The following NUP58 variants were observed in gnomAD, a reference collection of about 807,000 sequenced individuals.
NUP58 encodes nucleoporin p58/p45.
In NUP58, 17 loss-of-function variants were observed where a neutral mutation model predicts 70.1. That is an observed-to-expected ratio of 0.24 (90% CI 0.17 to 0.36). NUP58 has a LOEUF of 0.36. Ranked by LOEUF, NUP58 falls within the 10% of genes least tolerant of loss-of-function variation. NUP58 has a pLI of 1.00. For missense variants in NUP58, 644 were observed against 701.5 expected, an observed-to-expected ratio of 0.92 and a Z score of 0.93; for synonymous variants, 275 against 257.6, an observed-to-expected ratio of 1.07 and a Z score of -0.65.
chr13:25,306,685 TCTC>T (rs573587365), intron 1 of NUP58, among the ~76,000 whole-genome samples: 21 of 152,298 alleles, frequency 1.4e-4, no homozygotes, highest in Middle Eastern at 3.4e-3. Flanking sequence ...CTCCCTTAAA[TCTC>T]CTACATAATT....
intron 1 of NUP58, 62 bp downstream of exon 1, chr13:25,301,942 C>G: frequency 9.7e-7 from 1 of 1,034,932 alleles, no homozygotes; most frequent in South Asian, 1.4e-5. Flanking sequence ...CCGCAAAGCT[C>G]CCTTGGTGTC....
chr13:25,315,643 ATTG>A (rs2030893382), intron 6 of NUP58, among the ~76,000 whole-genome samples, 176 bp downstream of exon 6: 1 of 151,140 alleles, frequency 6.6e-6, no homozygotes, highest in African/African-American at 2.4e-5. Context: ...CATATGCAGT[ATTG>A]TTTTGTAGTC....
intron 12 of NUP58, among the ~76,000 whole-genome samples, chr13:25,328,687 T>C (rs1159016795): frequency 3.3e-5 from 5 of 152,174 alleles, no homozygotes; most frequent in Admixed American, 6.6e-5. Context: ...CATGAGCCAC[T>C]GCACCCAGCC....
At chr13:25,318,817 TTG>T (rs1170918926) in intron 6 of NUP58, among the ~76,000 whole-genome samples, 1 of 152,196 alleles carries the variant, frequency 6.6e-6, no homozygotes, top group Non-Finnish European at 1.5e-5. Context: ...TTTTAAGGGA[TTG>T]TCAGATTGGA....
At position 25,309,307 on chromosome 13, in the gene NUP58, C is replaced by T. The variant is rs1042401976; in HGVS notation, c.286+25C>T. 3 of 1,567,184 alleles carry T rather than the reference C, an allele frequency of 1.9e-6. No homozygotes were observed. The African/African-American group carries it at 4.1e-5, about 21-fold the overall frequency. Reference sequence around the variant, plus strand: ...GGTAAGAATTTTTGAGGAAAGATCCCAGCTCTGTGGTCTTCTAATAATTTT... The same window carrying T: ...GGTAAGAATTTTTGAGGAAAGATCCTAGCTCTGTGGTCTTCTAATAATTTT... On this transcript the variant is annotated intron_variant, in intron 3 of 15. Coordinates refer to ENST00000381736, the MANE Select transcript of NUP58 (RefSeq NM_014089.4).
intron 1 of NUP58, among the ~76,000 whole-genome samples, chr13:25,302,313 A>G (rs1305950198): frequency 2.0e-5 from 3 of 152,242 alleles, no homozygotes; most frequent in East Asian, 1.9e-4. Flanking sequence ...GGTTTTGGAT[A>G]TGACGGTGTT....
At chr13:25,308,106 G>T in intron 2 of NUP58, 158 bp downstream of exon 2, 1 of 682,028 alleles carries the variant, frequency 1.5e-6, no homozygotes. Context: ...GGAATTAAGG[G>T]CTAGTGATAG....
At chr13:25,303,657 C>G (rs1338772387) in intron 1 of NUP58, among the ~76,000 whole-genome samples, 1 of 152,090 alleles carries the variant, frequency 6.6e-6, no homozygotes, top group Non-Finnish European at 1.5e-5. Flanking sequence ...TCCTAGTACT[C>G]TTAGAGTGCT....
intron 9 of NUP58, among the ~76,000 whole-genome samples, 163 bp downstream of exon 9, chr13:25,321,256 A>G (rs1474833867): frequency 6.6e-6 from 1 of 152,222 alleles, no homozygotes; most frequent in Non-Finnish European, 1.5e-5. Flanking sequence ...AGTTTTTATT[A>G]AGCGTTTTCT....
intron 10 of NUP58, 40 bp from the exon 11 acceptor site, chr13:25,326,876 A>T (rs750346779): frequency 8.5e-7 from 1 of 1,178,468 alleles, no homozygotes; most frequent in Admixed American, 2.1e-5. Context: ...ACTCCAAATT[A>T]AAAAAATATT....
chr13:25,326,285 T>C (rs1458664624), intron 10 of NUP58, among the ~76,000 whole-genome samples: 1 of 151,812 alleles, frequency 6.6e-6, no homozygotes, highest in African/African-American at 2.4e-5. Context: ...TGGTTGCCCA[T>C]TGTTTACTGA....
chr13:25,305,546 G>A (rs1186585415), intron 1 of NUP58, among the ~76,000 whole-genome samples: 1 of 151,992 alleles, frequency 6.6e-6, no homozygotes, highest in Non-Finnish European at 1.5e-5. Context: ...TGCCCAAGGT[G>A]CACACAAACA....
chr13:25,334,684 A>T (rs1018187455), intron 13 of NUP58: 5 of 979,286 alleles, frequency 5.1e-6, no homozygotes, highest in Non-Finnish European at 6.1e-6. Flanking sequence ...TGGGGTGATC[A>T]TGGAAAATTA....
intron 7 of NUP58, among the ~76,000 whole-genome samples, chr13:25,319,876 C>T (rs894449894): frequency 1.3e-5 from 2 of 152,078 alleles, no homozygotes; most frequent in Non-Finnish European, 2.9e-5. Flanking sequence ...TCCTTACAAA[C>T]ATCCTGTGTA....
downstream of NUP58, among the ~76,000 whole-genome samples, chr13:25,346,015 G>T (rs1008235134): frequency 2.6e-5 from 4 of 152,186 alleles, no homozygotes; most frequent in African/African-American, 9.7e-5. Context: ...AACTTGGGGA[G>T]AACTCCTTTC....
chr13:25,338,931 C>G, intron 15 of NUP58, 200 bp downstream of exon 15: 1 of 382,644 alleles, frequency 2.6e-6, no homozygotes, highest in Non-Finnish European at 4.7e-6. Flanking sequence ...TAAAATACTT[C>G]TAACAAGACT....
intron 12 of NUP58, among the ~76,000 whole-genome samples, chr13:25,330,712 TAC>T (rs2031570662): frequency 6.6e-6 from 1 of 152,186 alleles, no homozygotes; most frequent in Middle Eastern, 3.2e-3. Flanking sequence ...ACTCTGGAGT[TAC>T]AAACACTTTT....
downstream of NUP58, among the ~76,000 whole-genome samples, chr13:25,342,981 C>T (rs1302874635): frequency 6.6e-6 from 1 of 152,056 alleles, no homozygotes; most frequent in African/African-American, 2.4e-5. Flanking sequence ...TGATCTGTTT[C>T]AACTACTGTG....
intron 9 of NUP58, among the ~76,000 whole-genome samples, chr13:25,321,533 GT>G (rs1244105768): frequency 1.3e-5 from 2 of 152,156 alleles, no homozygotes; most frequent in Admixed American, 6.6e-5. Flanking sequence ...AGAAAATAAT[GT>G]TTTTTAACTG....
Sources: gnomAD v4.1 joint callset for allele counts (sites outside exome capture counted in the v4.1 genomes callset) on GRCh38, gnomAD v4.1.1 for gene constraint, MANE v1.5 for transcripts, NCBI Gene and HGNC (gene_info 2026-07-23, HGNC 2026-07-21) for gene names.